The following SIRPG variants were observed in gnomAD, a reference collection of about 807,000 sequenced individuals.
SIRPG encodes signal-regulatory protein gamma.
In SIRPG, 38 loss-of-function variants were observed where a neutral mutation model predicts 35.7. That is an observed-to-expected ratio of 1.06 (90% CI 0.82 to 1.40). SIRPG has a LOEUF of 1.40. Ranked by LOEUF, SIRPG falls within the 40% of genes most tolerant of loss-of-function variation. SIRPG has a pLI of 0.00. For missense variants in SIRPG, 519 were observed against 483.0 expected (o/e 1.07, Z -0.70); for synonymous variants, 215 against 190.4 (o/e 1.13, Z -1.06).
At chr20:1,652,600 AG>A (rs1194603650) in intron 1 of SIRPG, among the ~76,000 whole-genome samples, 7 of 152,248 alleles carry the variant, frequency 4.6e-5, no homozygotes, top group African/African-American at 1.7e-4. Flanking sequence ...TAGAATAAAT[AG>A]AAAAAACACA....
Position 1,635,268 on chromosome 20 carries a change from A to G in SIRPG, c.1080T>C (p.Pro360=), listed in dbSNP as rs1283984106. ...TTTAAAAATTTTGAGTAACCTCACCAGGGGTAGCATCTGAGCTCTGGTCCT... is the reference window on the plus strand; with the variant it reads ...TTTAAAAATTTTGAGTAACCTCACCGGGGGTAGCATCTGAGCTCTGGTCCT... ...HQKDQSSDAT[P]GPASSLTALL... The change falls in exon 4 of 6, where the codon CCT becomes CCC. Residue 360 remains proline, a splice_region_variant and synonymous_variant. Coordinates refer to ENST00000303415, the MANE Select transcript of SIRPG (RefSeq NM_018556.4). The G allele has an allele frequency of 6.3e-7, 1 of 1,598,540 alleles. No homozygotes were observed. The highest frequency in any genetic ancestry group is 8.5e-7 in the Non-Finnish European group (1 of 1,169,704).
intron 4 of SIRPG, among the ~76,000 whole-genome samples, chr20:1,634,943 T>C (rs2091782738): frequency 2.0e-5 from 3 of 151,094 alleles, no homozygotes; most frequent in Non-Finnish European, 4.4e-5. Context: ...CTCGGGAGGC[T>C]GAGACAGGAG....
the SIRPG span, among the ~76,000 whole-genome samples, chr20:1,666,104 T>C: frequency 1.3e-5 from 2 of 150,596 alleles, no homozygotes; most frequent in Non-Finnish European, 3.0e-5. Flanking sequence ...GTCTTAGTTT[T>C]TAACAAAGAC....
At chr20:1,672,337 A>G in the SIRPG span, among the ~76,000 whole-genome samples, 1 of 152,190 alleles carries the variant, frequency 6.6e-6, no homozygotes, top group Admixed American at 6.5e-5. Flanking sequence ...CATTCTTTTC[A>G]CAAATATTCC....
At chr20:1,646,505 G>T (rs1345030479) in intron 2 of SIRPG, 3 of 152,238 alleles carry the variant, frequency 2.0e-5, no homozygotes, top group African/African-American at 4.8e-5. Flanking sequence ...GCACAACATG[G>T]GGGGAGAGTC....
intron 4 of SIRPG, among the ~76,000 whole-genome samples, chr20:1,632,701 C>T (rs2091760949): frequency 6.6e-6 from 1 of 152,024 alleles, no homozygotes; most frequent in Non-Finnish European, 1.5e-5. Context: ...GACTAGGGGC[C>T]TCAGGACTGA....
the SIRPG span, among the ~76,000 whole-genome samples, chr20:1,664,954 A>C: frequency 6.6e-6 from 1 of 152,110 alleles, no homozygotes; most frequent in Non-Finnish European, 1.5e-5. Flanking sequence ...GTCCAGCATC[A>C]AATAATCTAG....
intron 2 of SIRPG, chr20:1,637,718 T>A (rs116398910): frequency 6.6e-6 from 1 of 152,166 alleles, no homozygotes; most frequent in African/African-American, 2.4e-5. Flanking sequence ...AAAACAATGA[T>A]CACTGAGTAC....
intron 1 of SIRPG, among the ~76,000 whole-genome samples, chr20:1,654,071 C>T (rs1051799300): frequency 6.6e-6 from 1 of 151,908 alleles, no homozygotes; most frequent in East Asian, 1.9e-4. Context: ...AACCTTGTCT[C>T]TACTGAAAAT....
At chr20:1,676,645 T>A in the SIRPG span, 1 of 152,890 alleles carries the variant, frequency 6.5e-6, no homozygotes, top group Non-Finnish European at 1.5e-5. Flanking sequence ...AAGGAGCTTT[T>A]ATTTAGCTCC....
chr20:1,684,198 T>A, the SIRPG span, among the ~76,000 whole-genome samples: 1 of 152,178 alleles, frequency 6.6e-6, no homozygotes, highest in Non-Finnish European at 1.5e-5. Flanking sequence ...GTGATATACA[T>A]GTAAGGTAAT....
At chr20:1,641,775 G>A (rs908082620) in intron 2 of SIRPG, among the ~76,000 whole-genome samples, 1 of 152,156 alleles carries the variant, frequency 6.6e-6, no homozygotes, top group Middle Eastern at 3.2e-3. Context: ...GTGTCCCAGA[G>A]ATTCTGGTAT....
chr20:1,648,270 A>C (rs1420695788), intron 2 of SIRPG: 1 of 152,232 alleles, frequency 6.6e-6, no homozygotes, highest in Admixed American at 6.5e-5. Context: ...GAGATGACCC[A>C]GCTCTGCTCA....
intron 2 of SIRPG, among the ~76,000 whole-genome samples, chr20:1,643,783 G>GT (rs2122506925): frequency 6.6e-6 from 1 of 152,258 alleles, no homozygotes; most frequent in East Asian, 1.9e-4. Flanking sequence ...TGATGCTGTT[G>GT]TTGCCTTCTG....
chr20:1,669,980 A>G, the SIRPG span: 1 of 240,840 alleles, frequency 4.2e-6, no homozygotes, highest in Middle Eastern at 6.1e-4. Flanking sequence ...TTTGCTGACC[A>G]CCAGCTGCCC....
Position 1,635,359 on chromosome 20 carries a change from T to C in SIRPG, c.989A>G (p.Gln330Arg). 1.9e-6 allele frequency: 3 copies of C among 1,614,202 alleles called. No homozygotes were observed. The highest frequency in any genetic ancestry group is 2.5e-6 in the Non-Finnish European group (3 of 1,180,026). ...CGCCAGCTGCCCATCATGCTTCACC[T>C]GGCAGGTGAGGACCACATCATCCCT... Reference protein sequence around the residue: ...DQRDDVVLTCQVKHDGQLAVS... With the variant: ...DQRDDVVLTCRVKHDGQLAVS... The change falls in exon 4 of 6, where the codon CAG becomes CGG. Residue 330 changes from glutamine to arginine, a missense_variant. Physicochemically the swap from Gln to Arg is conservative, Grantham distance 43. Coordinates refer to ENST00000303415, the MANE Select transcript of SIRPG (RefSeq NM_018556.4).
At chr20:1,652,131 G>A (rs2091943578) in intron 1 of SIRPG, among the ~76,000 whole-genome samples, 1 of 152,086 alleles carries the variant, frequency 6.6e-6, no homozygotes, top group Non-Finnish European at 1.5e-5. Context: ...CTTCCCCAGG[G>A]CTTCTAACGC....
chr20:1,664,342 G>T, the SIRPG span, among the ~76,000 whole-genome samples: 7 of 152,152 alleles, frequency 4.6e-5, no homozygotes, highest in South Asian at 6.2e-4. Context: ...TGGGATGGGG[G>T]TTCATTTGTA....
intron 2 of SIRPG, among the ~76,000 whole-genome samples, chr20:1,636,927 G>T (rs2091808185): frequency 6.6e-6 from 1 of 152,184 alleles, no homozygotes; most frequent in African/African-American, 2.4e-5. Flanking sequence ...GCCACCATGA[G>T]ACCTGCAACC....
Sources: allele counts gnomAD v4.1 joint callset (sites outside exome capture counted in the v4.1 genomes callset), GRCh38; gene constraint gnomAD v4.1.1; transcripts MANE v1.5; gene names NCBI Gene and HGNC (gene_info 2026-07-23, HGNC 2026-07-21).